The following VTCN1 variants were observed in gnomAD, a reference collection of about 807,000 sequenced individuals.
VTCN1 encodes the protein V-set domain containing T cell activation inhibitor 1, also known as V-set domain-containing T-cell activation inhibitor 1.
VTCN1 carries 26 observed loss-of-function variants against 26.5 expected under a neutral mutation model. That is an observed-to-expected ratio of 0.98 (90% CI 0.72 to 1.36). The LOEUF (loss-of-function observed/expected upper bound fraction) is 1.36, where lower values mean the gene tolerates loss of function less well. VTCN1 is among the 40% of genes most tolerant of loss of function. The pLI, the probability that VTCN1 is intolerant of heterozygous loss-of-function variation, is 0.00. For missense variants in VTCN1, 298 were observed against 337.7 expected (o/e 0.88, Z 0.92); for synonymous variants, 116 against 130.7 (o/e 0.89, Z 0.77).
chr1:117,203,136 C>A (rs187468043), intron 1 of VTCN1, among the ~76,000 whole-genome samples: 1 of 151,960 alleles, frequency 6.6e-6, no homozygotes, highest in Non-Finnish European at 1.5e-5. Context: ...AAAAGGGCAC[C>A]CAGTGAGGGT....
At chr1:117,150,962 G>A (rs1035595064) in intron 4 of VTCN1, among the ~76,000 whole-genome samples, 1 of 152,088 alleles carries the variant, frequency 6.6e-6, no homozygotes, top group African/African-American at 2.4e-5. Flanking sequence ...TCCTTTTTGA[G>A]CCTGAATGGT....
intron 4 of VTCN1, among the ~76,000 whole-genome samples, chr1:117,152,821 C>CT (rs1467299217): frequency 6.6e-6 from 1 of 152,108 alleles, no homozygotes; most frequent in African/African-American, 2.4e-5. Context: ...CCTCAGAATC[C>CT]TAAACACTGT....
chr1:117,174,541 C>T (rs1041014360), intron 1 of VTCN1, among the ~76,000 whole-genome samples: 8 of 152,046 alleles, frequency 5.3e-5, no homozygotes, highest in Non-Finnish European at 8.8e-5. Flanking sequence ...CCGAGGCGGG[C>T]GGATTACCTG....
intron 1 of VTCN1, among the ~76,000 whole-genome samples, chr1:117,172,599 CAG>C (rs1652978117): frequency 6.6e-6 from 1 of 152,112 alleles, no homozygotes; most frequent in Non-Finnish European, 1.5e-5. Context: ...AAATGGGAAA[CAG>C]AGTAATTCCT....
At chr1:117,206,547 T>C (rs1433090491) in intron 1 of VTCN1, among the ~76,000 whole-genome samples, 1 of 151,902 alleles carries the variant, frequency 6.6e-6, no homozygotes, top group Non-Finnish European at 1.5e-5. Context: ...GCACAAGGAG[T>C]TGAATCCAGA....
chr1:117,143,882 A>C lies in VTCN1; in HGVS notation c.*1389T>G, dbSNP rs1200553002. 6.6e-6 allele frequency: 1 copy of C among 152,160 alleles called. No individual in the cohort carries two copies. The highest frequency in any genetic ancestry group is 1.5e-5 in the Non-Finnish European group (1 of 68,036). 9.4% of individuals were successfully genotyped at this position (152,160 alleles called of 1,614,324 possible). Reference sequence around the variant, plus strand: ...AATTGTGGCCAGGCAGGGTCTGGAGATCTAAATTCAGAGTAAGAAAACCTG... The same window carrying C: ...AATTGTGGCCAGGCAGGGTCTGGAGCTCTAAATTCAGAGTAAGAAAACCTG... On this transcript the variant is annotated 3_prime_UTR_variant, in exon 6 of 6. Transcript: ENST00000369458.
intron 1 of VTCN1, among the ~76,000 whole-genome samples, chr1:117,178,350 G>A (rs1647484914): frequency 6.7e-6 from 1 of 148,922 alleles, no homozygotes; most frequent in South Asian, 2.1e-4. Context: ...TCCACCTCCT[G>A]AGTTCAAGCA....
chr1:117,153,399 T>C (rs973529236), intron 3 of VTCN1, 30 bp from the exon 4 acceptor site: 17 of 1,581,574 alleles, frequency 1.1e-5, no homozygotes, highest in Non-Finnish European at 1.5e-5. Flanking sequence ...AAAGGGCAGA[T>C]GCCAAAGTCA....
chr1:117,149,576 C>T (rs1651688079), intron 4 of VTCN1, among the ~76,000 whole-genome samples: 1 of 152,018 alleles, frequency 6.6e-6, no homozygotes, highest in African/African-American at 2.4e-5. Flanking sequence ...AAAACCCAGC[C>T]GGAACTCTGC....
chr1:117,170,077 T>G (rs1652823537), intron 2 of VTCN1, 30 bp downstream of exon 2: 22 of 1,597,722 alleles, frequency 1.4e-5, no homozygotes, highest in Non-Finnish European at 1.8e-5. Flanking sequence ...GAGGGGTGAA[T>G]AGATTGTAGT....
At chr1:117,184,236 A>G (rs1042303436) in intron 1 of VTCN1, among the ~76,000 whole-genome samples, 1 of 152,098 alleles carries the variant, frequency 6.6e-6, no homozygotes, top group African/African-American at 2.4e-5. Context: ...CAGCAGTCCA[A>G]GCTATCAAGA....
chr1:117,181,606 G>A (rs1647675681), intron 1 of VTCN1, among the ~76,000 whole-genome samples: 1 of 152,200 alleles, frequency 6.6e-6, no homozygotes, highest in Non-Finnish European at 1.5e-5. Flanking sequence ...CCCAGAACGT[G>A]CCCTCCCTTC....
chr1:117,201,794 G>C (rs532719563), intron 1 of VTCN1, among the ~76,000 whole-genome samples: 1 of 152,356 alleles, frequency 6.6e-6, no homozygotes, highest in South Asian at 2.1e-4. Context: ...ATGACACCAT[G>C]ACTTTCCCAT....
At position 117,167,095 on chromosome 1, in the gene VTCN1, A is replaced by AG. The variant is rs1377421961; in HGVS notation, c.97+3011_97+3012insC. Reference sequence around the variant, plus strand: ...GCGACAGAGCAAGACTGTCTCAAAAAAAAAAAAAAGAATATATATGTATGT... The same window carrying AG: ...GCGACAGAGCAAGACTGTCTCAAAAAGAAAAAAAAAGAATATATATGTATGT... On this transcript the variant is annotated intron_variant, in intron 2 of 5. Coordinates refer to ENST00000369458, the MANE Select transcript of VTCN1 (RefSeq NM_024626.4). The surrounding 1 kb of genome is among the most constrained non-coding windows in gnomAD (Gnocchi z 4.1). Among the ~76,000 whole-genome samples, 2 of 152,060 alleles carry AG rather than the reference A, an allele frequency of 1.3e-5. No homozygotes were observed. The highest frequency in any genetic ancestry group is 2.4e-5 in the African/African-American group (1 of 41,358).
At position 117,147,399 on chromosome 1, in the gene VTCN1, G is replaced by C. The variant is rs1406280749; in HGVS notation, c.*45+214C>G. 6.6e-6 allele frequency among the ~76,000 whole-genome samples: 1 copy of C among 152,142 alleles called. No individual in the cohort carries two copies. The highest frequency in any genetic ancestry group is 1.5e-5 in the Non-Finnish European group (1 of 68,022). On this transcript the variant is annotated intron_variant, in intron 5 of 5. Transcript: ENST00000369458. The surrounding 1 kb of genome is among the most constrained non-coding windows in gnomAD (Gnocchi z 4.6). Reference sequence around the variant, plus strand: ...TTGAATTTACATAAATACTTGAATTGTATGTTATTTTTCCTATGGGTCTGT... The same window carrying C: ...TTGAATTTACATAAATACTTGAATTCTATGTTATTTTTCCTATGGGTCTGT...
intron 1 of VTCN1, chr1:117,173,258 C>G (rs750230584): frequency 1.4e-6 from 1 of 699,914 alleles, no homozygotes; most frequent in Non-Finnish European, 2.7e-6. Context: ...ATTCCGGACA[C>G]AATTGCAGAT....
chr1:117,151,277 A>G (rs1396406236), intron 4 of VTCN1, among the ~76,000 whole-genome samples: 4 of 150,472 alleles, frequency 2.7e-5, no homozygotes, highest in Non-Finnish European at 4.4e-5. Context: ...ATGTTCAGAT[A>G]TGGTGCATCT....
chr1:117,162,797 C>T (rs954105556), intron 2 of VTCN1, among the ~76,000 whole-genome samples: 5 of 152,138 alleles, frequency 3.3e-5, no homozygotes, highest in East Asian at 3.9e-4. Flanking sequence ...ATTCAATCAG[C>T]GCTCCGTTGT....
intron 1 of VTCN1, among the ~76,000 whole-genome samples, chr1:117,191,991 T>C (rs2358822): frequency 0.8 from 121,345 of 150,800 alleles, 49,116 homozygotes; most frequent in East Asian, 0.99. Flanking sequence ...TAGTTGAAAA[T>C]TTCCCAATTC....
Sources: gnomAD v4.1 joint callset for allele counts (sites outside exome capture counted in the v4.1 genomes callset) on GRCh38, gnomAD v4.1.1 for gene constraint, Gnocchi (gnomAD v3.1) non-coding constraint, MANE v1.5 for transcripts, NCBI Gene and HGNC (gene_info 2026-07-23, HGNC 2026-07-21) for gene names.